PHC1: variants seen among roughly 807,000 people sequenced by gnomAD.
PHC1 encodes polyhomeotic homolog 1.
A neutral mutation model predicts 104.3 loss-of-function variants in PHC1; 12 were observed. The observed-to-expected ratio is 0.12, with a 90% CI of 0.07 to 0.19. PHC1 has a LOEUF of 0.19. PHC1 is among the 10% of genes least tolerant of loss of function. The pLI is 1.00. For missense variants in PHC1, 671 were observed against 1,200.0 expected (o/e 0.56, Z 6.51); for synonymous variants, 302 against 455.8 (o/e 0.66, Z 4.30).
In PHC1 at chr12:8,935,222, G is replaced by C; in HGVS notation, c.2352G>C (p.Val784=). 6.4e-7 allele frequency: 1 copy of C among 1,571,550 alleles called. No homozygotes were observed. The highest frequency in any genetic ancestry group is 8.7e-7 in the Non-Finnish European group (1 of 1,150,094). Residue 784 remains valine, a synonymous_variant, in exon 11 of 15, where the codon GTG becomes GTC. Transcript: ENST00000544916. ...TENQSGGPLG[V]DSPSAELDKK... ...ATCAGTCAGGTGGCCCTTTGGGAGT[G>C]GACAGCCCATCTGCTGGTGAGCATT...
At position 8,937,281 on chromosome 12, in the gene PHC1, C is replaced by G; in HGVS notation, c.2583C>G (p.Ser861Arg). The G allele has an allele frequency of 6.2e-7, 1 of 1,612,032 alleles. No individual in the cohort carries two copies. The highest frequency in any genetic ancestry group is 8.5e-7 in the Non-Finnish European group (1 of 1,179,014). ...TTCGCAGGCGTGGACCCCGCCGCAG[C>G]TCCTCTGACATTGCCCGTGCCAAGA... ...ARVRRRGPRR[S>R]SSDIARAKIQ... is the part of the protein sequence containing the mutation. The change falls in exon 13 of 15, where the codon AGC (serine) becomes AGG (arginine). Residue 861 changes from serine to arginine, a missense_variant. Physicochemically the swap from Ser to Arg is moderately radical, Grantham distance 110 (BLOSUM62 -1). Around this residue, in one of 9 missense-constraint regions of PHC1, gnomAD observed 192 missense variants for 280.5 expected, o/e 0.68. Transcript: ENST00000544916.
chr12:8,921,793 G>T (rs751916767), intron 5 of PHC1, 43 bp downstream of exon 5: 1 of 1,520,160 alleles, frequency 6.6e-7, no homozygotes, highest in South Asian at 1.3e-5. Flanking sequence ...AGGCATAATT[G>T]TCTGGCCCTG....
chr12:8,920,940 C>T lies in PHC1; in HGVS notation c.226-45C>T, dbSNP rs751355895. 10 of 1,332,290 alleles carry T rather than the reference C, an allele frequency of 7.5e-6. No homozygotes were observed. In the Admixed American group the frequency reaches 1.4e-4, roughly 19 times the overall value. 82.5% of individuals were successfully genotyped at this position (1,332,290 alleles called of 1,614,324 possible). A position where few individuals can be genotyped will look rare whatever the true frequency, so the allele number is the denominator to read the frequency against. On this transcript the variant is annotated intron_variant, in intron 3 of 14. Coordinates refer to ENST00000544916, the MANE Select transcript of PHC1 (RefSeq NM_004426.3). The stretch of plus-strand genomic sequence containing the variant: ...ATTACTAGAAGACTGAGAGCTTTTT[C>T]CTTCACTGTCTTTGCTATTTCTTGT...
intron 6 of PHC1, among the ~76,000 whole-genome samples, chr12:8,929,888 C>A (rs971687226): frequency 1.3e-5 from 2 of 152,186 alleles, no homozygotes; most frequent in Non-Finnish European, 2.9e-5. Flanking sequence ...CCCCCACCTT[C>A]ACCATTACCT....
At chr12:8,914,942 C>G (rs770437425) in intron 1 of PHC1, 115 bp downstream of exon 1, 2 of 154,408 alleles carry the variant, frequency 1.3e-5, no homozygotes, top group East Asian at 3.8e-4. Context: ...CCCCCAGTTG[C>G]TTTCCCTGCC....
At chr12:8,924,755 G>A (rs1226393947) in intron 6 of PHC1, among the ~76,000 whole-genome samples, 4 of 152,176 alleles carry the variant, frequency 2.6e-5, no homozygotes, top group African/African-American at 9.6e-5. Context: ...GGTCATTGCT[G>A]GGGTAGAGCA....
At chr12:8,922,522 C>A in intron 5 of PHC1, 111 bp from the exon 6 acceptor site, 1 of 915,106 alleles carries the variant, frequency 1.1e-6, no homozygotes, top group South Asian at 1.7e-5. Context: ...AGGCAGGGCT[C>A]AGCTGTTTAA....
At chr12:8,928,510 C>T (rs749985985) in intron 6 of PHC1, among the ~76,000 whole-genome samples, 9 of 152,136 alleles carry the variant, frequency 5.9e-5, no homozygotes, top group South Asian at 4.1e-4. Context: ...CCCACAGTAA[C>T]GAGCCTTCTG....
In PHC1 at chr12:8,934,265, A is replaced by G; in HGVS notation, c.2042-2A>G. The G allele has an allele frequency of 6.2e-7, 1 of 1,611,870 alleles. No homozygotes were observed. The highest frequency in any genetic ancestry group is 8.5e-7 in the Non-Finnish European group (1 of 1,178,444). Reference sequence around the variant, plus strand: ...GTTGCTTAATCTGTGTTTGTTTTCCAGAAAAAGCTGAATCAGTGGCTAATG... The same window carrying G: ...GTTGCTTAATCTGTGTTTGTTTTCCGGAAAAAGCTGAATCAGTGGCTAATG... On this transcript the variant is annotated splice_acceptor_variant, in intron 9 of 14. Coordinates refer to ENST00000544916, the MANE Select transcript of PHC1 (RefSeq NM_004426.3). LOFTEE classifies it high-confidence loss of function.
intron 6 of PHC1, among the ~76,000 whole-genome samples, chr12:8,925,224 A>G (rs920968713): frequency 5.3e-5 from 8 of 152,192 alleles, no homozygotes; most frequent in African/African-American, 1.9e-4. Flanking sequence ...TACCTACCTC[A>G]GGATGTGTTG....
rs1945994806 is a variant in PHC1 at position 8,941,055 on chromosome 12, A to AGG, written c.*1597_*1598dup. ...CCCTTTTCTGGAACCCCTGTGGCACAGGAGTACCAATTTTCCTTTCCAACG... is the reference window on the plus strand; with the variant it reads ...CCCTTTTCTGGAACCCCTGTGGCACAGGGGAGTACCAATTTTCCTTTCCAACG... On this transcript the variant is annotated 3_prime_UTR_variant, in exon 15 of 15. Coordinates refer to ENST00000544916, the MANE Select transcript of PHC1 (RefSeq NM_004426.3). 7.7e-6 allele frequency: 1 copy of AGG among 130,408 alleles called. No individual in the cohort carries two copies. Among genetic ancestry groups the AGG allele is most frequent in the Non-Finnish European group, 1.6e-5 (1 of 63,316 alleles). The allele number at this position is 130,408 out of a possible 1,614,324, so 8.1% of individuals were successfully genotyped here. A position where few individuals can be genotyped will look rare whatever the true frequency, so the allele number is the denominator to read the frequency against.
At position 8,924,383 on chromosome 12, in the gene PHC1, G is replaced by A. The variant is rs144499192; in HGVS notation, c.612+1595G>A. Among the ~76,000 whole-genome samples the A allele has an allele frequency of 5.8e-3, 885 of 152,312 alleles. 1 individual carries two copies. Among genetic ancestry groups the A allele is most frequent in the Non-Finnish European group, 9.2e-3 (626 of 68,024 alleles). ...TTCCACCTACAGGGAGGTTGAGACA[G>A]AAGAATTGCTTGAATCTGGGAGGTG... On this transcript the variant is annotated intron_variant, in intron 6 of 14. Transcript: ENST00000544916.
In PHC1 at chr12:8,919,984, C is replaced by G; in HGVS notation, c.225+118C>G. 4 of 1,447,676 alleles carry G rather than the reference C, an allele frequency of 2.8e-6. No individual in the cohort carries two copies. Among genetic ancestry groups the G allele is most frequent in the Non-Finnish European group, 3.8e-6 (4 of 1,063,456 alleles). The allele number at this position is 1,447,676 out of a possible 1,614,324, so 89.7% of individuals were successfully genotyped here. A position where few individuals can be genotyped will look rare whatever the true frequency, so the allele number is the denominator to read the frequency against. Reference sequence around the variant, plus strand: ...AAGCCAGGCTGCAGACAGCCTCCTCCGCCTCCTGTCCTTCTGTGGGAGGAT... The same window carrying G: ...AAGCCAGGCTGCAGACAGCCTCCTCGGCCTCCTGTCCTTCTGTGGGAGGAT... On this transcript the variant is annotated intron_variant, in intron 3 of 14. Transcript: ENST00000544916. This position sits in a 1 kb window ranked among gnomAD's most constrained non-coding sequence, Gnocchi z 4.9.
Position 8,937,258 on chromosome 12 carries a change from C to G in PHC1, c.2560C>G (p.Arg854Gly), listed in dbSNP as rs756227858. 6.2e-7 allele frequency: 1 copy of G among 1,612,826 alleles called. No homozygotes were observed. Among genetic ancestry groups the G allele is most frequent in the South Asian group, 1.1e-5 (1 of 90,878 alleles). ...EFQEANYARVRRRGPRRSSSD... is the reference protein window; with the variant it reads ...EFQEANYARVGRRGPRRSSSD... ...TCAAGAAGCCAACTATGCTCGCGTT[C>G]GCAGGCGTGGACCCCGCCGCAGCTC... Residue 854 changes from arginine to glycine, a missense_variant, in exon 13 of 15, where the codon CGC becomes GGC. Physicochemically the swap from Arg to Gly is moderately radical, Grantham distance 125. Around this residue, in one of 9 missense-constraint regions of PHC1, gnomAD observed 192 missense variants for 280.5 expected, o/e 0.68. Transcript: ENST00000544916.
chr12:8,918,079 G>C (rs1945252741), intron 2 of PHC1, among the ~76,000 whole-genome samples: 1 of 152,082 alleles, frequency 6.6e-6, no homozygotes, highest in Admixed American at 6.6e-5. Context: ...TTTAATCTTT[G>C]GCCATTCTTG....
At chr12:8,937,752 C>T in intron 13 of PHC1, 77 bp from the exon 14 acceptor site, 2 of 1,154,050 alleles carry the variant, frequency 1.7e-6, no homozygotes, top group Non-Finnish European at 2.6e-6. Context: ...TACGCCCAAC[C>T]CAGGGTGGTT....
At chr12:8,932,323 G>A (rs919064528) in intron 7 of PHC1, among the ~76,000 whole-genome samples, 1 of 152,208 alleles carries the variant, frequency 6.6e-6, no homozygotes, top group African/African-American at 2.4e-5. Flanking sequence ...GATCTGAAAT[G>A]ACTGAGCAAG....
rs775373702 is a variant in PHC1 at position 8,939,381 on chromosome 12, T to C, written c.2937T>C (p.His979=). Reference sequence around the variant, plus strand: ...CCCTTTTATTACTTAAAGAAGAACATCTTATGAGTGCCATGAACATCAAGC... The same window carrying C: ...CCCTTTTATTACTTAAAGAAGAACACCTTATGAGTGCCATGAACATCAAGC... ...GQALLLLKEE[H]LMSAMNIKLG... Residue 979 remains histidine (H), a synonymous_variant, in exon 15 of 15, where the codon CAT becomes CAC. Coordinates refer to ENST00000544916, the MANE Select transcript of PHC1 (RefSeq NM_004426.3). 18 of 1,601,226 alleles carry C rather than the reference T, an allele frequency of 1.1e-5. No individual in the cohort carries two copies. The South Asian group carries it at 1.2e-4, about 11-fold the overall frequency.
chr12:8,915,699 T>TA (rs977245739), intron 1 of PHC1: 22 of 150,122 alleles, frequency 1.5e-4, no homozygotes, highest in African/African-American at 3.7e-4. Context: ...CTCCATTTTT[T>TA]ATATTTAATC....
Sources: gnomAD v4.1 joint callset for allele counts (sites outside exome capture counted in the v4.1 genomes callset) on GRCh38, gnomAD v4.1.1 for gene constraint, gnomAD v4.1.1 regional missense constraint, Gnocchi (gnomAD v3.1) non-coding constraint, MANE v1.5 for transcripts, NCBI Gene and HGNC (gene_info 2026-07-23, HGNC 2026-07-21) for gene names.